Variants in NEB observed in about 807,000 individuals in gnomAD.
The protein encoded by NEB is nebulin.
Under a neutral mutation model 952.2 loss-of-function variants are expected in NEB, and 512 were observed. The ratio of observed to expected loss-of-function variants is 0.54; its 90% CI spans 0.50 to 0.58. The LOEUF (loss-of-function observed/expected upper bound fraction) is 0.58. NEB is among the 20% of genes least tolerant of loss of function. The probability of loss-of-function intolerance (pLI) is 0.00; values close to 1 mark genes in which losing one functional copy is unlikely to be tolerated. For missense variants in NEB, 8,428 were observed against 9,231.1 expected (o/e 0.91, Z 3.56); for synonymous variants, 2,900 against 3,149.8 (o/e 0.92, Z 2.66).
In NEB at chr2:151,690,770, G is replaced by A. The variant is rs1257436914; in HGVS notation, c.2267C>T (p.Pro756Leu). The change falls in exon 24 of 182, where the codon CCT becomes CTT. Residue 756 changes from proline to leucine, a missense_variant. Pro to Leu is a moderately conservative substitution (Grantham distance 98, BLOSUM62 -3). This residue lies in a region of NEB where 2,851 missense variants were observed against 2,791.5 expected (regional missense o/e 1.02). Transcript: ENST00000397345. ...KTKFTAVTDS[P>L]VLLQAQLNTK... ...GTTGAGCTGGGCTTGCAACAGTACA[G>A]GAGAATCAGTGACTGCCGTGAATTT... 1.3e-6 allele frequency: 2 copies of A among 1,599,920 alleles called. No homozygotes were observed. Among genetic ancestry groups the A allele is most frequent in the African/African-American group, 1.3e-5 (1 of 74,888 alleles).
At chr2:151,694,914 C>T (rs1250890277) in intron 18 of NEB, among the ~76,000 whole-genome samples, 2 of 152,240 alleles carry the variant, frequency 1.3e-5, no homozygotes, top group Non-Finnish European at 2.9e-5. Flanking sequence ...TAGAGTAGCA[C>T]ATATATTCTA....
rs1457606817 is a variant in NEB at position 151,640,588 on chromosome 2, T to A, written c.8452A>T (p.Met2818Leu). ...ATCTTGGCCACGTGCATGGACCACATCATCTTGGGGTCATCACGTATAGCT... is the reference window on the plus strand; with the variant it reads ...ATCTTGGCCACGTGCATGGACCACAACATCTTGGGGTCATCACGTATAGCT... Reference protein sequence around the residue: ...ARAIRDDPKMMWSMHVAKIQS... With the variant: ...ARAIRDDPKMLWSMHVAKIQS... Residue 2818 changes from methionine to leucine, a missense_variant, in exon 61 of 182, where the codon ATG (methionine) becomes TTG (leucine). By Grantham distance (15) the Met-to-Leu change is conservative (BLOSUM62 2). Transcript: ENST00000397345. 6.2e-7 allele frequency: 1 copy of A among 1,613,914 alleles called. No individual in the cohort carries two copies. The highest frequency in any genetic ancestry group is 8.5e-7 in the Non-Finnish European group (1 of 1,179,868).
chr2:151,714,288 C>G (rs188298019), intron 10 of NEB, among the ~76,000 whole-genome samples: 11 of 152,326 alleles, frequency 7.2e-5, no homozygotes, highest in African/African-American at 2.2e-4. Context: ...GAAACCTGGA[C>G]AGACTACTGT....
intron 71 of NEB, among the ~76,000 whole-genome samples, chr2:151,622,926 CT>C (rs1210445546): frequency 1.1e-4 from 17 of 152,064 alleles, no homozygotes; most frequent in Non-Finnish European, 1.5e-5. Context: ...TAAACCATGC[CT>C]TTTTTGTTTT....
intron 151 of NEB, 25 bp from the exon 152 acceptor site, chr2:151,524,641 C>T: frequency 3.9e-6 from 2 of 517,756 alleles, no homozygotes; most frequent in Non-Finnish European, 3.7e-6. Context: ...AAAATGTTTA[C>T]TCAAGAGAGA....
chr2:151,562,602 A>G lies in NEB; in HGVS notation c.18891+9T>C. The stretch of plus-strand genomic sequence containing the variant: ...GTAGCTGAGTCAAGCTGCAGAAGGG[A>G]CATCATACATCACTCAAGATCTCCT... On this transcript the variant is annotated intron_variant, in intron 120 of 181. Coordinates refer to ENST00000397345, the MANE Select transcript of NEB (RefSeq NM_001164508.2). The G allele has an allele frequency of 6.4e-7, 1 of 1,558,226 alleles. No individual in the cohort carries two copies. Among genetic ancestry groups the G allele is most frequent in the Non-Finnish European group, 8.7e-7 (1 of 1,144,440 alleles).
chr2:151,654,793 T>G (rs1054369082), intron 51 of NEB, among the ~76,000 whole-genome samples: 1 of 152,138 alleles, frequency 6.6e-6, no homozygotes, highest in Admixed American at 6.6e-5. Context: ...GTACTATACA[T>G]CTCAAAAATG....
intron 142 of NEB, among the ~76,000 whole-genome samples, chr2:151,534,877 T>C (rs535347765): frequency 2.6e-5 from 4 of 152,222 alleles, no homozygotes; most frequent in Non-Finnish European, 5.9e-5. Flanking sequence ...CTACTGAAAG[T>C]GAACTGAATC....
intron 38 of NEB, among the ~76,000 whole-genome samples, chr2:151,670,020 C>T (rs1575693179): frequency 6.6e-6 from 1 of 152,130 alleles, no homozygotes; most frequent in African/African-American, 2.4e-5. Flanking sequence ...AAGTTTCCAG[C>T]TTGAGTAACG....
chr2:151,540,351 G>A lies in NEB; in HGVS notation c.20885C>T (p.Ala6962Val), dbSNP rs866095068. Residue 6962 changes from alanine (A) to valine (V), a missense_variant, in exon 138 of 182, where the codon GCC (alanine) becomes GTC (valine). By Grantham distance (64) the Ala-to-Val change is moderately conservative. Around this residue, in one of 11 missense-constraint regions of NEB, gnomAD observed 3,374 missense variants for 3,651.5 expected, o/e 0.92. Transcript: ENST00000397345. ...LIRAKRAYWN[A>V]SDLRYKETFQ... ...AAAGGAAGGGATGCATACATCACTG[G>A]CATTCCAGTAAGCCCTCTTGGCTCT... The A allele has an allele frequency of 6.4e-7, 1 of 1,570,916 alleles. No homozygotes were observed.
chr2:151,540,576 GT>G (rs2093909038), intron 137 of NEB, 120 bp downstream of exon 137: 1 of 1,118,868 alleles, frequency 8.9e-7, no homozygotes, highest in Non-Finnish European at 1.3e-6. Context: ...TGCCTTTTGT[GT>G]TTTGATGATG....
rs779409232 is a variant in NEB, at chr2:151,666,319, T to C, written c.4802A>G (p.His1601Arg). The change falls in exon 41 of 182, where the codon CAC becomes CGC. Residue 1601 changes from histidine to arginine, a missense_variant. Physicochemically the swap from His to Arg is conservative, Grantham distance 29 (BLOSUM62 0). This residue lies in a region of NEB where 2,851 missense variants were observed against 2,791.5 expected (regional missense o/e 1.02). Transcript: ENST00000397345. ...LSLQDDPKLV[H>R]YMNVAKIQSD... ...CTGGATTTTGGCCACATTCATGTAG[T>C]GAACCAGTTTAGGATCATCCTGAAG... 6.2e-6 allele frequency: 10 copies of C among 1,613,942 alleles called. No individual in the cohort carries two copies. The highest frequency in any genetic ancestry group is 3.3e-4 in the Middle Eastern group (2 of 6,062).
intron 176 of NEB, 196 bp downstream of exon 176, chr2:151,493,157 G>A (rs2057886690): frequency 1.8e-6 from 1 of 542,712 alleles, no homozygotes; most frequent in Admixed American, 3.3e-5. Flanking sequence ...CACAGTTAAT[G>A]TCTATTTTAG....
In NEB at chr2:151,492,062, A is replaced by T. The variant is rs766796457; in HGVS notation, c.25057+36T>A. 99 of 1,598,636 alleles carry T rather than the reference A, an allele frequency of 6.2e-5. 1 individual carries two copies. The South Asian group carries it at 1.1e-3, about 18-fold the overall frequency. On this transcript the variant is annotated intron_variant, in intron 178 of 181. Coordinates refer to ENST00000397345, the MANE Select transcript of NEB (RefSeq NM_001164508.2). ...CTTTTGTTCTTCTACCCCCTCACTTAAAGTTAATCCCCTCCCCCAACCCAG... is the reference window on the plus strand; with the variant it reads ...CTTTTGTTCTTCTACCCCCTCACTTTAAGTTAATCCCCTCCCCCAACCCAG...
chr2:151,677,492 A>G, intron 34 of NEB, 73 bp downstream of exon 34: 3 of 1,148,470 alleles, frequency 2.6e-6, no homozygotes, highest in South Asian at 4.9e-5. Context: ...GAAAAAAAAT[A>G]TATTGGGCTG....
At chr2:151,617,274 A>G (rs2098231146) in intron 75 of NEB, 90 bp downstream of exon 75, 2 of 798,436 alleles carry the variant, frequency 2.5e-6, no homozygotes, top group Admixed American at 2.4e-5. Flanking sequence ...TAGTATGTGT[A>G]GTAAATTAGT....
intron 3 of NEB, among the ~76,000 whole-genome samples, chr2:151,731,180 C>T (rs1032483263): frequency 6.6e-6 from 1 of 152,156 alleles, no homozygotes; most frequent in Non-Finnish European, 1.5e-5. Flanking sequence ...TTCAATTTTA[C>T]CTTTGCTGGG....
intron 55 of NEB, 76 bp downstream of exon 55, chr2:151,646,054 C>G (rs2098953109): frequency 1.8e-6 from 2 of 1,103,660 alleles, no homozygotes; most frequent in South Asian, 3.0e-5. Context: ...ATTCAGAGAA[C>G]TTCTAGACAA....
intron 60 of NEB, among the ~76,000 whole-genome samples, chr2:151,641,985 C>T (rs1013118106): frequency 1.3e-5 from 2 of 152,138 alleles, no homozygotes; most frequent in Non-Finnish European, 2.9e-5. Flanking sequence ...TATGACAGGC[C>T]CCAGTGTGTG....
Sources: allele counts gnomAD v4.1 joint callset (sites outside exome capture counted in the v4.1 genomes callset), GRCh38; gene constraint gnomAD v4.1.1; regional missense constraint gnomAD v4.1.1; transcripts MANE v1.5; gene names NCBI Gene and HGNC (gene_info 2026-07-23, HGNC 2026-07-21).